CEMIP2: variants seen among roughly 807,000 people sequenced by gnomAD.
CEMIP2 encodes the protein cell migration inducing hyaluronidase 2.
In CEMIP2, 79 loss-of-function variants were observed where a neutral mutation model predicts 146.9. That is an observed-to-expected ratio of 0.54 (90% CI 0.45 to 0.65). CEMIP2 has a LOEUF of 0.65. Ranked by LOEUF, CEMIP2 falls within the 30% of genes least tolerant of loss-of-function variation. The pLI, the probability that CEMIP2 is intolerant of heterozygous loss-of-function variation, is 0.00. For missense variants in CEMIP2, 1,596 were observed against 1,696.2 expected (o/e 0.94, Z 1.04); for synonymous variants, 601 against 606.3 (o/e 0.99, Z 0.13).
chr9:71,730,097 G>T lies in CEMIP2; in HGVS notation c.1930C>A (p.Arg644=), dbSNP rs762246512. The T allele has an allele frequency of 1.2e-6, 2 of 1,614,084 alleles. No individual in the cohort carries two copies. Among genetic ancestry groups the T allele is most frequent in the East Asian group, 2.2e-5 (1 of 44,886 alleles). ...DRNNSMCTTM[R]DKVFGNYIPV... is the part of the protein sequence containing the mutation. ...ATGTAATTTCCAAACACTTTATCTC[G>T]CATGGTGGTACACATGGAGTTGTTC... is the stretch of plus-strand genomic sequence containing the variant. The change falls in exon 9 of 24, where the codon CGA becomes AGA. Residue 644 remains arginine (R), a synonymous_variant. Coordinates refer to ENST00000377044, the MANE Select transcript of CEMIP2 (RefSeq NM_013390.3).
At chr9:71,737,907 C>T (rs1000812468) in intron 5 of CEMIP2, among the ~76,000 whole-genome samples, 2 of 151,984 alleles carry the variant, frequency 1.3e-5, no homozygotes, top group African/African-American at 2.4e-5. Flanking sequence ...TTGTTGAGAT[C>T]CCACATGCAT....
intron 22 of CEMIP2, 152 bp downstream of exon 22, chr9:71,689,940 G>C: frequency 1.1e-6 from 1 of 918,086 alleles, no homozygotes; most frequent in Non-Finnish European, 1.6e-6. Flanking sequence ...GACGACATGG[G>C]CGTCAATCTG....
chr9:71,710,377 C>A (rs915423413), intron 16 of CEMIP2, among the ~76,000 whole-genome samples: 1 of 152,208 alleles, frequency 6.6e-6, no homozygotes, highest in African/African-American at 2.4e-5. Flanking sequence ...AAATGATAAG[C>A]AACTCAATGG....
Sources: allele counts gnomAD v4.1 joint callset (sites outside exome capture counted in the v4.1 genomes callset), GRCh38; gene constraint gnomAD v4.1.1; transcripts MANE v1.5; gene names NCBI Gene and HGNC (gene_info 2026-07-23, HGNC 2026-07-21).